Variants in MAGI1 observed in about 807,000 individuals in gnomAD.
MAGI1 encodes membrane-associated guanylate kinase, WW and PDZ domain-containing protein 1.
Under a neutral mutation model 139.9 loss-of-function variants are expected in MAGI1, and 58 were observed. That is an observed-to-expected ratio of 0.41 (90% CI 0.34 to 0.52). The LOEUF is 0.52. MAGI1 is among the 20% of genes least tolerant of loss of function. MAGI1 has a pLI of 0.12. For missense variants in MAGI1, 1,874 were observed against 1,901.6 expected (o/e 0.99, Z 0.27); for synonymous variants, 812 against 737.9 (o/e 1.10, Z -1.63).
intron 1 of MAGI1, among the ~76,000 whole-genome samples, chr3:65,976,138 T>C (rs562778072): frequency 1.4e-4 from 22 of 152,314 alleles, no homozygotes; most frequent in African/African-American, 4.8e-4. Context: ...CTCTCTGCAC[T>C]GGTGGTGACT....
At chr3:65,930,382 G>A (rs1214487592) in intron 1 of MAGI1, among the ~76,000 whole-genome samples, 3 of 147,198 alleles carry the variant, frequency 2.0e-5, no homozygotes, top group Non-Finnish European at 3.0e-5. Flanking sequence ...TCTTTCCATT[G>A]TGTCTCAGTC....
At chr3:65,619,548 A>G (rs2083558486) in intron 2 of MAGI1, among the ~76,000 whole-genome samples, 1 of 152,158 alleles carries the variant, frequency 6.6e-6, no homozygotes, top group Admixed American at 6.6e-5. Flanking sequence ...TGGAATATAC[A>G]GATTACACGA....
At chr3:65,679,640 A>C (rs1384954728) in intron 1 of MAGI1, among the ~76,000 whole-genome samples, 2 of 152,126 alleles carry the variant, frequency 1.3e-5, no homozygotes, top group Non-Finnish European at 2.9e-5. Flanking sequence ...GGGCACAGAA[A>C]CACAGAACCA....
intron 1 of MAGI1, among the ~76,000 whole-genome samples, chr3:65,828,186 T>A (rs1448871765): frequency 6.6e-6 from 1 of 152,226 alleles, no homozygotes; most frequent in African/African-American, 2.4e-5. Flanking sequence ...AGTTCTTATC[T>A]AGTTCTACTT....
intron 2 of MAGI1, among the ~76,000 whole-genome samples, chr3:65,522,525 G>A (rs2078209546): frequency 6.6e-6 from 1 of 152,138 alleles, no homozygotes; most frequent in African/African-American, 2.4e-5. Flanking sequence ...TAGACCCAGT[G>A]TACAACAACA....
intron 2 of MAGI1, among the ~76,000 whole-genome samples, chr3:65,568,387 G>C (rs894364405): frequency 1.3e-5 from 2 of 151,962 alleles, no homozygotes; most frequent in Admixed American, 6.6e-5. Context: ...GTGATTCCTT[G>C]TTATGGTTGA....
At chr3:65,705,984 C>G (rs2030199839) in intron 1 of MAGI1, among the ~76,000 whole-genome samples, 1 of 152,190 alleles carries the variant, frequency 6.6e-6, no homozygotes, top group Admixed American at 6.5e-5. Context: ...GCTCTGAGTC[C>G]ATGAGTAACA....
intron 14 of MAGI1, among the ~76,000 whole-genome samples, chr3:65,389,623 C>T (rs964316518): frequency 2.0e-5 from 3 of 152,128 alleles, no homozygotes; most frequent in African/African-American, 2.4e-5. Context: ...CTACAGTGAG[C>T]GAGGAGACAC....
At chr3:65,593,188 G>C (rs1175065111) in intron 2 of MAGI1, among the ~76,000 whole-genome samples, 1 of 152,030 alleles carries the variant, frequency 6.6e-6, no homozygotes, top group East Asian at 1.9e-4. Context: ...TTCCCTTTCA[G>C]GTCACTATCT....
chr3:65,520,122 C>T (rs889236383), intron 2 of MAGI1, among the ~76,000 whole-genome samples: 3 of 152,200 alleles, frequency 2.0e-5, no homozygotes, highest in Admixed American at 6.5e-5. Context: ...TCCCGTTGAA[C>T]CACCCCACCT....
chr3:65,570,853 C>G (rs1559681182), intron 2 of MAGI1, among the ~76,000 whole-genome samples: 1 of 152,170 alleles, frequency 6.6e-6, no homozygotes, highest in Non-Finnish European at 1.5e-5. Flanking sequence ...TTTCAGGCTG[C>G]CTGGTTGTTT....
intron 1 of MAGI1, chr3:65,874,759 T>C (rs939273168): frequency 2.0e-5 from 3 of 152,398 alleles, no homozygotes; most frequent in African/African-American, 7.2e-5. Context: ...CCCAGGTATG[T>C]ACCCAAGAGA....
At chr3:65,866,561 A>G (rs1341864204) in intron 1 of MAGI1, among the ~76,000 whole-genome samples, 1 of 152,124 alleles carries the variant, frequency 6.6e-6, no homozygotes, top group Non-Finnish European at 1.5e-5. Context: ...AAGACCAGGC[A>G]ATGACAGACT....
intron 2 of MAGI1, among the ~76,000 whole-genome samples, chr3:65,593,138 C>T (rs1049584732): frequency 6.6e-6 from 1 of 150,762 alleles, no homozygotes; most frequent in South Asian, 2.1e-4. Flanking sequence ...AGTGTTAAGC[C>T]TCATAAAAAG....
At chr3:65,756,664 CCA>C (rs1162856152) in intron 1 of MAGI1, among the ~76,000 whole-genome samples, 1 of 152,126 alleles carries the variant, frequency 6.6e-6, no homozygotes, top group Non-Finnish European at 1.5e-5. Context: ...CATTATGGTG[CCA>C]CAGTCTCTTC....
chr3:65,779,475 C>T (rs564000259), intron 1 of MAGI1, among the ~76,000 whole-genome samples: 2 of 152,222 alleles, frequency 1.3e-5, no homozygotes, highest in Non-Finnish European at 2.9e-5. Context: ...GTTTTCTTTG[C>T]CTGTGTGTTC....
intron 17 of MAGI1, 98 bp from the exon 18 acceptor site, chr3:65,376,043 T>C: frequency 9.4e-6 from 8 of 854,376 alleles, no homozygotes; most frequent in Non-Finnish European, 1.5e-5. Context: ...GGTTAAGTGT[T>C]AATAAATTAA....
chr3:65,610,786 GTATA>G (rs1351168846), intron 2 of MAGI1, among the ~76,000 whole-genome samples: 1 of 77,704 alleles, frequency 1.3e-5, no homozygotes, highest in Admixed American at 1.2e-4. Context: ...ACTGTATATA[GTATA>G]TATAGTATAT....
chr3:65,541,313 C>A (rs930953213), intron 2 of MAGI1, among the ~76,000 whole-genome samples: 1 of 152,098 alleles, frequency 6.6e-6, no homozygotes, highest in African/African-American at 2.4e-5. Flanking sequence ...CAGGACAAGA[C>A]AGATTCACAG....
Sources: allele counts gnomAD v4.1 joint callset (sites outside exome capture counted in the v4.1 genomes callset), GRCh38; gene constraint gnomAD v4.1.1; transcripts MANE v1.5; gene names NCBI Gene and HGNC (gene_info 2026-07-23, HGNC 2026-07-21).